TNKS: variants seen among roughly 807,000 people sequenced by gnomAD.
TNKS encodes the protein poly [ADP-ribose] polymerase tankyrase-1.
Under a neutral mutation model 135.8 loss-of-function variants are expected in TNKS, and 72 were observed. The observed-to-expected ratio is 0.53, with a 90% CI of 0.44 to 0.64. The LOEUF is 0.64. Ranked by LOEUF, TNKS falls within the 30% of genes least tolerant of loss-of-function variation. The probability of loss-of-function intolerance (pLI) is 0.00; values close to 1 mark genes in which losing one functional copy is unlikely to be tolerated. For missense variants in TNKS, 1,769 were observed against 1,674.0 expected, an observed-to-expected ratio of 1.06 and a Z score of -0.99; for synonymous variants, 849 against 649.3, an observed-to-expected ratio of 1.31 and a Z score of -4.68.
intron 3 of TNKS, among the ~76,000 whole-genome samples, chr8:9,625,114 T>C (rs1224139190): frequency 1.3e-5 from 2 of 152,138 alleles, no homozygotes; most frequent in African/African-American, 2.4e-5. Context: ...GGTCTGAAAC[T>C]AATTGGGTTA....
intron 2 of TNKS, among the ~76,000 whole-genome samples, chr8:9,584,229 G>C (rs1585197096): frequency 6.8e-6 from 1 of 146,218 alleles, no homozygotes; most frequent in East Asian, 2.0e-4. Context: ...TTTTCATTTT[G>C]ACTAATTAGT....
chr8:9,564,138 G>A (rs563520601), intron 1 of TNKS, among the ~76,000 whole-genome samples: 1 of 152,222 alleles, frequency 6.6e-6, no homozygotes, highest in African/African-American at 2.4e-5. Flanking sequence ...GAGACATTGT[G>A]CTAAGGGCAT....
At chr8:9,602,991 G>C (rs1470895115) in intron 2 of TNKS, among the ~76,000 whole-genome samples, 1 of 152,028 alleles carries the variant, frequency 6.6e-6, no homozygotes, top group African/African-American at 2.4e-5. Flanking sequence ...ACATACACAA[G>C]GTGTCCTAAA....
At chr8:9,635,902 G>T (rs1399602196) in intron 3 of TNKS, among the ~76,000 whole-genome samples, 3 of 152,106 alleles carry the variant, frequency 2.0e-5, no homozygotes, top group Admixed American at 6.5e-5. Context: ...TATGATCCTG[G>T]ACTAGAGGAG....
At chr8:9,717,103 T>TA (rs1554476739) in intron 11 of TNKS, among the ~76,000 whole-genome samples, 20 of 39,314 alleles carry the variant, frequency 5.1e-4, no homozygotes, top group East Asian at 2.9e-3. Context: ...ATATATATAT[T>TA]TTCAGGGAAT....
intron 3 of TNKS, among the ~76,000 whole-genome samples, chr8:9,665,350 A>C (rs1281994139): frequency 6.6e-6 from 1 of 152,206 alleles, no homozygotes; most frequent in Non-Finnish European, 1.5e-5. Context: ...ATCCTGATTA[A>C]ATGTTCTTGT....
chr8:9,571,155 A>T (rs1309469144), intron 1 of TNKS, among the ~76,000 whole-genome samples: 1 of 152,168 alleles, frequency 6.6e-6, no homozygotes, highest in Non-Finnish European at 1.5e-5. Flanking sequence ...AACAAATTCT[A>T]TGTTGAATTT....
chr8:9,749,517 C>T (rs553693022), intron 18 of TNKS, among the ~76,000 whole-genome samples: 1 of 150,942 alleles, frequency 6.6e-6, no homozygotes, highest in Admixed American at 6.6e-5. Flanking sequence ...CTATGTCACC[C>T]AAGCCAGAGT....
intron 2 of TNKS, among the ~76,000 whole-genome samples, chr8:9,596,294 A>G (rs1281618234): frequency 1.3e-5 from 2 of 152,184 alleles, no homozygotes; most frequent in Non-Finnish European, 2.9e-5. Context: ...TATTAGAAGT[A>G]TGGCTTCCCT....
intron 3 of TNKS, among the ~76,000 whole-genome samples, chr8:9,644,375 C>T (rs548294289): frequency 6.6e-6 from 1 of 152,206 alleles, no homozygotes; most frequent in East Asian, 1.9e-4. Flanking sequence ...GCAATTGGCT[C>T]TTTCCAATTT....
At chr8:9,751,480 C>A (rs770564282) in intron 18 of TNKS, 129 bp from the exon 19 acceptor site, 25 of 736,944 alleles carry the variant, frequency 3.4e-5, no homozygotes, top group Non-Finnish European at 5.5e-5. Flanking sequence ...AAGGAATGAT[C>A]AAAAACCAGT....
chr8:9,748,103 A>AT lies in TNKS; in HGVS notation c.2724dup (p.Glu909Ter). The AT allele has an allele frequency of 6.2e-7, 1 of 1,614,194 alleles. No homozygotes were observed. Among genetic ancestry groups the AT allele is most frequent in the Non-Finnish European group, 8.5e-7 (1 of 1,180,036 alleles). On this transcript the variant is annotated frameshift_variant, in exon 18 of 27. Coordinates refer to ENST00000310430, the MANE Select transcript of TNKS (RefSeq NM_003747.3). LOFTEE classifies it high-confidence loss of function. The stretch of plus-strand genomic sequence containing the variant: ...GATAAGTGGGCGTTTACTCCCCTCC[A>AT]TGAAGCAGCCCAGAAAGGAAGGACG...
At chr8:9,749,750 T>C (rs1806421932) in intron 18 of TNKS, among the ~76,000 whole-genome samples, 1 of 152,192 alleles carries the variant, frequency 6.6e-6, no homozygotes, top group African/African-American at 2.4e-5. Context: ...CCCAAAGTGC[T>C]GGGATTACAG....
rs1563233388 is a variant in TNKS at position 9,780,832 on chromosome 8, A to C, written c.*4096A>C. The C allele has an allele frequency of 6.6e-6, 1 of 152,208 alleles. No individual in the cohort carries two copies. Among genetic ancestry groups the C allele is most frequent in the Admixed American group, 6.5e-5 (1 of 15,290 alleles). 9.4% of individuals were successfully genotyped at this position (152,208 alleles called of 1,614,324 possible). On this transcript the variant is annotated 3_prime_UTR_variant, in exon 27 of 27. Coordinates refer to ENST00000310430, the MANE Select transcript of TNKS (RefSeq NM_003747.3). ...TATTCCCTTACATGCAATGGAGCTG[A>C]TTAAAATTAATCCATTTCAATTTCT...
rs747134878 is a variant in TNKS, at chr8:9,770,113, C to G, written c.3748C>G (p.Leu1250Val). The G allele has an allele frequency of 1.2e-6, 2 of 1,604,172 alleles. No homozygotes were observed. Among genetic ancestry groups the G allele is most frequent in the African/African-American group, 2.7e-5 (2 of 74,684 alleles). Reference protein sequence around the residue: ...RSCYICHRQMLFCRVTLGKSF... With the variant: ...RSCYICHRQMVFCRVTLGKSF... ...TTTTTTCTTTTTCCTTAGACAAATG[C>G]TCTTCTGTAGAGTGACCCTTGGGAA... The change falls in exon 26 of 27, where the codon CTC becomes GTC. Residue 1250 changes from leucine to valine, a missense_variant. Around this residue, in one of 5 missense-constraint regions of TNKS, gnomAD observed 722 missense variants for 688.9 expected, o/e 1.05. Transcript: ENST00000310430.
At chr8:9,751,976 A>T (rs1244449671) in intron 19 of TNKS, 130 bp downstream of exon 19, 1 of 772,696 alleles carries the variant, frequency 1.3e-6, no homozygotes, top group Non-Finnish European at 2.1e-6. Context: ...TACACACAAC[A>T]TCTTACAAGA....
intron 26 of TNKS, among the ~76,000 whole-genome samples, chr8:9,773,694 G>A (rs1305326849): frequency 6.6e-6 from 1 of 151,656 alleles, no homozygotes; most frequent in Non-Finnish European, 1.5e-5. Flanking sequence ...AATAATTTTA[G>A]AGAGTGATTA....
At chr8:9,674,791 C>T (rs1802467395) in intron 3 of TNKS, among the ~76,000 whole-genome samples, 1 of 152,068 alleles carries the variant, frequency 6.6e-6, no homozygotes, top group Non-Finnish European at 1.5e-5. Context: ...GGGTCTCTAC[C>T]AGGAAAATAC....
At chr8:9,631,630 A>G (rs1332201600) in intron 3 of TNKS, among the ~76,000 whole-genome samples, 1 of 152,150 alleles carries the variant, frequency 6.6e-6, no homozygotes, top group African/African-American at 2.4e-5. Context: ...AGTCTACAGA[A>G]TTTTAAGTTT....
Sources: gnomAD v4.1 joint callset for allele counts (sites outside exome capture counted in the v4.1 genomes callset) on GRCh38, gnomAD v4.1.1 for gene constraint, gnomAD v4.1.1 regional missense constraint, MANE v1.5 for transcripts, NCBI Gene and HGNC (gene_info 2026-07-23, HGNC 2026-07-21) for gene names.